The following ST18 variants were observed in gnomAD, a reference collection of about 807,000 sequenced individuals.
ST18 encodes the protein ST18 C2H2C-type zinc finger transcription factor, also known as suppression of tumorigenicity 18 protein.
Under a neutral mutation model 110.0 loss-of-function variants are expected in ST18, and 50 were observed. The observed-to-expected ratio is 0.45, with a 90% CI of 0.36 to 0.58. ST18 has a LOEUF of 0.58. Ranked by LOEUF, ST18 falls within the 20% of genes least tolerant of loss-of-function variation. ST18 has a pLI of 0.00. For missense variants in ST18, 1,306 were observed against 1,280.1 expected (o/e 1.02, Z -0.31); for synonymous variants, 461 against 452.4 (o/e 1.02, Z -0.24).
At chr8:52,278,366 T>C (rs1192023900) in intron 2 of ST18, among the ~76,000 whole-genome samples, 1 of 152,218 alleles carries the variant, frequency 6.6e-6, no homozygotes, top group Non-Finnish European at 1.5e-5. Flanking sequence ...CAGAATATTT[T>C]TAAGCATAGG....
chr8:52,342,084 T>A (rs544769689), intron 2 of ST18, among the ~76,000 whole-genome samples: 1 of 152,284 alleles, frequency 6.6e-6, no homozygotes, highest in South Asian at 2.1e-4. Context: ...CCTAAGAGAG[T>A]AGCTTTTAAG....
chr8:52,251,044 G>A (rs1213850285), intron 2 of ST18, among the ~76,000 whole-genome samples: 3 of 152,086 alleles, frequency 2.0e-5, no homozygotes, highest in Non-Finnish European at 4.4e-5. Flanking sequence ...ACCTCCTTAT[G>A]TCAAAATGAT....
intron 2 of ST18, among the ~76,000 whole-genome samples, chr8:52,294,130 C>T (rs2095596708): frequency 6.6e-6 from 1 of 152,198 alleles, no homozygotes; most frequent in Non-Finnish European, 1.5e-5. Flanking sequence ...GGGCTCCAGC[C>T]TAACCAGAGC....
chr8:52,380,869 C>A (rs965244885), intron 2 of ST18, among the ~76,000 whole-genome samples: 1 of 152,124 alleles, frequency 6.6e-6, no homozygotes, highest in Non-Finnish European at 1.5e-5. Context: ...ATCCTTGTAA[C>A]GTAAGCTGCA....
In ST18 at chr8:52,388,994, G is replaced by A. The variant is rs1266042030; in HGVS notation, c.-465+20334C>T. Among the ~76,000 whole-genome samples the A allele has an allele frequency of 9.2e-5, 13 of 141,100 alleles. No homozygotes were observed. In the East Asian group the frequency reaches 2.3e-3, roughly 25 times the overall value. The allele number at this position is 141,100 out of a possible 152,430, so 92.6% of individuals were successfully genotyped here. A position where few individuals can be genotyped will look rare whatever the true frequency, so the allele number is the denominator to read the frequency against. ...AATTTAAAAAAAAAAAAAAGAACAA[G>A]CAATACTTGGTGTCGGCGAGAAGGG... is the stretch of plus-strand genomic sequence containing the variant. On this transcript the variant is annotated intron_variant, in intron 2 of 25. Transcript: ENST00000689386.
chr8:52,246,602 G>A (rs1177051108), intron 2 of ST18: 1 of 152,098 alleles, frequency 6.6e-6, no homozygotes, highest in East Asian at 1.9e-4. Context: ...CTTGATATGA[G>A]CACGCAGACA....
chr8:52,303,672 C>T (rs1323896875), intron 2 of ST18, among the ~76,000 whole-genome samples: 5 of 152,168 alleles, frequency 3.3e-5, no homozygotes, highest in African/African-American at 1.2e-4. Context: ...GATACACAAA[C>T]AATGCAAACA....
chr8:52,309,935 C>T (rs907012342), intron 2 of ST18, among the ~76,000 whole-genome samples: 4 of 152,168 alleles, frequency 2.6e-5, no homozygotes, highest in African/African-American at 7.2e-5. Context: ...TTTCCACCTG[C>T]CCCACGTTCT....
intron 2 of ST18, among the ~76,000 whole-genome samples, chr8:52,351,088 A>G (rs539369045): frequency 6.6e-6 from 1 of 152,304 alleles, no homozygotes; most frequent in Admixed American, 6.5e-5. Flanking sequence ...CTGTCTTGGT[A>G]TCTCCTAGTA....
rs2050521072 is a variant in ST18 at position 52,133,310 on chromosome 8, C to T, written c.2301-9G>A. ...AGCCTGGGGTTGGACACCTGGAAGG[C>T]ACAGGAAGAGAGCATGGGCTGAGAA... On this transcript the variant is annotated splice_polypyrimidine_tract_variant and intron_variant, in intron 19 of 25. Coordinates refer to ENST00000689386, the MANE Select transcript of ST18 (RefSeq NM_001352837.2). The T allele has an allele frequency of 6.2e-7, 1 of 1,614,088 alleles. No individual in the cohort carries two copies. The highest frequency in any genetic ancestry group is 8.5e-7 in the Non-Finnish European group (1 of 1,180,010).
At chr8:52,254,148 A>C (rs2094447938) in intron 2 of ST18, 1 of 152,210 alleles carries the variant, frequency 6.6e-6, no homozygotes, top group Non-Finnish European at 1.5e-5. Context: ...TCCAAAAAAA[A>C]CAAAAGTGAA....
chr8:52,115,753 A>C (rs1207202277), intron 25 of ST18, among the ~76,000 whole-genome samples: 2 of 152,120 alleles, frequency 1.3e-5, no homozygotes, highest in Non-Finnish European at 2.9e-5. Context: ...CCTAAAATAC[A>C]TGCTTAGATT....
intron 8 of ST18, among the ~76,000 whole-genome samples, chr8:52,195,723 T>C (rs1181022775): frequency 6.6e-6 from 1 of 152,164 alleles, no homozygotes; most frequent in Non-Finnish European, 1.5e-5. Flanking sequence ...TCTAAGGTAA[T>C]CATATGCCAG....
At chr8:52,239,710 A>G (rs1409498553) in intron 2 of ST18, among the ~76,000 whole-genome samples, 3 of 152,190 alleles carry the variant, frequency 2.0e-5, no homozygotes, top group Non-Finnish European at 1.5e-5. Flanking sequence ...TGTGGTCTCT[A>G]TTAGAGAAGC....
intron 2 of ST18, among the ~76,000 whole-genome samples, chr8:52,302,627 G>A (rs970178476): frequency 3.9e-5 from 6 of 152,116 alleles, no homozygotes; most frequent in African/African-American, 1.4e-4. Flanking sequence ...AGTACAAAGT[G>A]GACCTGAACA....
At position 52,298,641 on chromosome 8, in the gene ST18, T is replaced by G. The variant is rs1055986217; in HGVS notation, c.-464-68564A>C. 3.3e-5 allele frequency among the ~76,000 whole-genome samples: 5 copies of G among 152,186 alleles called. No homozygotes were observed. The South Asian group carries it at 8.3e-4, about 25-fold the overall frequency. Reference sequence around the variant, plus strand: ...AGAAACTTTCCTTTGAAGATGGAGATTTCAGCTTAGCATTCAACTGCATGG... The same window carrying G: ...AGAAACTTTCCTTTGAAGATGGAGAGTTCAGCTTAGCATTCAACTGCATGG... On this transcript the variant is annotated intron_variant, in intron 2 of 25. Transcript: ENST00000689386.
At chr8:52,141,455 C>A (rs1016478792) in intron 17 of ST18, among the ~76,000 whole-genome samples, 1 of 152,162 alleles carries the variant, frequency 6.6e-6, no homozygotes, top group Non-Finnish European at 1.5e-5. Context: ...ATCAATGACG[C>A]GGACAAGGTA....
chr8:52,180,362 T>A, intron 8 of ST18, 50 bp from the exon 9 acceptor site: 2 of 1,589,986 alleles, frequency 1.3e-6, no homozygotes, highest in Non-Finnish European at 1.7e-6. Flanking sequence ...CATTTACTGC[T>A]GTTTGGCATT....
At chr8:52,238,148 CT>C (rs779813720) in intron 2 of ST18, among the ~76,000 whole-genome samples, 13 of 152,152 alleles carry the variant, frequency 8.5e-5, no homozygotes, top group Non-Finnish European at 1.6e-4. Flanking sequence ...TGAAAAATAG[CT>C]GGCAATTTCT....
Sources: gnomAD v4.1 joint callset for allele counts (sites outside exome capture counted in the v4.1 genomes callset) on GRCh38, gnomAD v4.1.1 for gene constraint, MANE v1.5 for transcripts, NCBI Gene and HGNC (gene_info 2026-07-23, HGNC 2026-07-21) for gene names.